The following XKR6 variants were observed in gnomAD, a reference collection of about 807,000 sequenced individuals.
The protein encoded by XKR6 is XK-related protein 6.
XKR6 carries 22 observed loss-of-function variants against 56.7 expected under a neutral mutation model. The observed-to-expected ratio is 0.39, with a 90% CI of 0.28 to 0.55. The LOEUF (loss-of-function observed/expected upper bound fraction) is 0.55, where lower values mean the gene tolerates loss of function less well. XKR6 is among the 20% of genes least tolerant of loss of function. The pLI is 0.66. For missense variants in XKR6, 852 were observed against 889.0 expected (o/e 0.96, Z 0.53); for synonymous variants, 524 against 387.8 (o/e 1.35, Z -4.13).
intron 1 of XKR6, among the ~76,000 whole-genome samples, chr8:11,011,634 A>G (rs1798500447): frequency 6.6e-6 from 1 of 152,218 alleles, no homozygotes; most frequent in African/African-American, 2.4e-5. Flanking sequence ...TAAGTAATAG[A>G]GATGGCAATA....
chr8:11,016,841 G>A (rs1174195427), intron 1 of XKR6, among the ~76,000 whole-genome samples: 1 of 152,200 alleles, frequency 6.6e-6, no homozygotes, highest in African/African-American at 2.4e-5. Context: ...CTCCTCTTCT[G>A]TTTTTCCAGT....
chr8:11,085,647 G>A (rs1326372432), intron 1 of XKR6, among the ~76,000 whole-genome samples: 1 of 152,142 alleles, frequency 6.6e-6, no homozygotes, highest in Admixed American at 6.5e-5. Context: ...CCCGCCATAG[G>A]ATGGTCTCCC....
intron 1 of XKR6, among the ~76,000 whole-genome samples, chr8:11,117,388 GCTTGCAC>G (rs1799232972): frequency 6.6e-6 from 1 of 152,158 alleles, no homozygotes; most frequent in Admixed American, 6.5e-5. Flanking sequence ...CACATATGCA[GCTTGCAC>G]CCTAAACACA....
intron 1 of XKR6, among the ~76,000 whole-genome samples, chr8:11,126,656 C>A (rs1447502298): frequency 1.3e-5 from 2 of 152,190 alleles, no homozygotes; most frequent in Non-Finnish European, 2.9e-5. Context: ...GATCCACAGA[C>A]TAATCCTCAC....
At chr8:10,972,129 C>G (rs1051702997) in intron 1 of XKR6, among the ~76,000 whole-genome samples, 1 of 152,120 alleles carries the variant, frequency 6.6e-6, no homozygotes, top group Non-Finnish European at 1.5e-5. Flanking sequence ...CCTTCCGACC[C>G]CGACTGCTTG....
At chr8:10,938,701 T>A (rs2129122785) in intron 1 of XKR6, among the ~76,000 whole-genome samples, 1 of 152,222 alleles carries the variant, frequency 6.6e-6, no homozygotes, top group Middle Eastern at 3.4e-3. Flanking sequence ...AAGGCATGAT[T>A]TGCTTAAAAG....
chr8:11,083,613 G>A (rs1259211596), intron 1 of XKR6, among the ~76,000 whole-genome samples: 1 of 152,240 alleles, frequency 6.6e-6, no homozygotes, highest in Non-Finnish European at 1.5e-5. Flanking sequence ...TCAATGAGGA[G>A]AGAGGACAGG....
chr8:11,082,345 G>A (rs138465046), intron 1 of XKR6, among the ~76,000 whole-genome samples: 1 of 152,214 alleles, frequency 6.6e-6, no homozygotes, highest in Admixed American at 6.5e-5. Context: ...GTGGGAGCAA[G>A]AGTTGGTCAA....
chr8:11,178,549 T>A lies in XKR6; in HGVS notation c.764+22027A>T, dbSNP rs536438964. Among the ~76,000 whole-genome samples the A allele has an allele frequency of 8.6e-4, 83 of 96,638 alleles. 2 individuals carry two copies. The East Asian group carries it at 0.012, about 14-fold the overall frequency. 63.4% of individuals were successfully genotyped at this position (96,638 alleles called of 152,430 possible). The stretch of plus-strand genomic sequence containing the variant: ...AGTCCAAACATCTGAGAGGTAAAAA[T>A]ATATATATATATATATATATATATG... On this transcript the variant is annotated intron_variant, in intron 1 of 2. Coordinates refer to ENST00000416569, the MANE Select transcript of XKR6 (RefSeq NM_173683.4).
At chr8:11,066,124 A>G (rs1378424358) in intron 1 of XKR6, among the ~76,000 whole-genome samples, 4 of 152,184 alleles carry the variant, frequency 2.6e-5, no homozygotes, top group Non-Finnish European at 5.9e-5. Flanking sequence ...AATTGCACCC[A>G]TGGGTTCTTT....
rs1223000487 is a variant in XKR6, at chr8:10,896,496, A to T, written c.*1456T>A. On this transcript the variant is annotated 3_prime_UTR_variant, in exon 3 of 3. Transcript: ENST00000416569. ...AGTTCGTCTTACATCAGTTTTGTAT[A>T]TCTCTGGCAAGACTTTGCAGCAGGG... 2 of 152,562 alleles carry T rather than the reference A, an allele frequency of 1.3e-5. No homozygotes were observed. The highest frequency in any genetic ancestry group is 4.8e-5 in the African/African-American group (2 of 41,406). 9.5% of individuals were successfully genotyped at this position (152,562 alleles called of 1,614,324 possible).
intron 1 of XKR6, among the ~76,000 whole-genome samples, chr8:10,979,195 C>T (rs567478512): frequency 6.6e-6 from 1 of 152,168 alleles, no homozygotes; most frequent in Non-Finnish European, 1.5e-5. Context: ...CTCCCTGTTT[C>T]CTCCCACTAG....
intron 1 of XKR6, among the ~76,000 whole-genome samples, chr8:11,193,747 C>CCG (rs1554483959): frequency 7.3e-5 from 10 of 136,890 alleles, no homozygotes; most frequent in African/African-American, 2.7e-4. Flanking sequence ...GACCCCCCCC[C>CCG]CCCCACAAAA....
intron 1 of XKR6, among the ~76,000 whole-genome samples, chr8:11,093,335 G>C (rs1308800970): frequency 6.6e-6 from 1 of 152,230 alleles, no homozygotes; most frequent in Non-Finnish European, 1.5e-5. Context: ...GATTTCAGGA[G>C]TGAGCCACCA....
chr8:10,947,606 A>G (rs943629231), intron 1 of XKR6, among the ~76,000 whole-genome samples: 10 of 152,156 alleles, frequency 6.6e-5, no homozygotes, highest in Non-Finnish European at 1.2e-4. Context: ...AGGAGGAGAA[A>G]GACAGCACAG....
chr8:10,955,878 G>A (rs1440030990), intron 1 of XKR6, among the ~76,000 whole-genome samples: 1 of 152,226 alleles, frequency 6.6e-6, no homozygotes, highest in African/African-American at 2.4e-5. Context: ...TCAATGTCAT[G>A]TTGCCTTGAC....
chr8:11,048,382 G>A (rs1401065149), intron 1 of XKR6, among the ~76,000 whole-genome samples: 1 of 152,172 alleles, frequency 6.6e-6, no homozygotes, highest in Non-Finnish European at 1.5e-5. Context: ...TGGAGGCCTT[G>A]CCTTCTCTCC....
intron 1 of XKR6, among the ~76,000 whole-genome samples, chr8:11,046,026 G>A (rs1370054448): frequency 6.6e-6 from 1 of 152,152 alleles, no homozygotes; most frequent in Non-Finnish European, 1.5e-5. Context: ...AAAACAGTAT[G>A]CAGTCCCTCA....
At chr8:11,055,905 C>T (rs1050306539) in intron 1 of XKR6, among the ~76,000 whole-genome samples, 4 of 152,150 alleles carry the variant, frequency 2.6e-5, no homozygotes, top group South Asian at 2.1e-4. Flanking sequence ...TTCCTTCATA[C>T]CCCCGCTCCA....
Sources: gnomAD v4.1 joint callset for allele counts (sites outside exome capture counted in the v4.1 genomes callset) on GRCh38, gnomAD v4.1.1 for gene constraint, MANE v1.5 for transcripts, NCBI Gene and HGNC (gene_info 2026-07-23, HGNC 2026-07-21) for gene names.